Variants in SERPINB11 observed in about 807,000 individuals in gnomAD.
SERPINB11 encodes serpin family B member 11, also known as serpin B11.
Under a neutral mutation model 36.7 loss-of-function variants are expected in SERPINB11, and 32 were observed. The observed-to-expected ratio is 0.87, with a 90% CI of 0.66 to 1.17. The LOEUF is 1.17. SERPINB11 is among the 50% of genes most tolerant of loss of function. The probability of loss-of-function intolerance (pLI) is 0.00; values close to 1 mark genes in which losing one functional copy is unlikely to be tolerated. For missense variants in SERPINB11, 528 were observed against 458.4 expected (o/e 1.15, Z -1.39); for synonymous variants, 174 against 168.1 (o/e 1.04, Z -0.27).
rs570543727 is a variant in SERPINB11, at chr18:63,708,240, G to A, written c.-15-1939G>A. Among the ~76,000 whole-genome samples, 76 of 152,340 alleles carry A rather than the reference G, an allele frequency of 5.0e-4. No individual in the cohort carries two copies. In the Middle Eastern group the frequency reaches 0.014, roughly 27 times the overall value. On this transcript the variant is annotated intron_variant, in intron 1 of 7. Coordinates refer to ENST00000544088, the MANE Select transcript of SERPINB11 (RefSeq NM_001370475.1). ...GTAAGGACTTTGTCTTCTTCTCTGA[G>A]TAAAAGGGAAGACAGTGGAGTTTTT...
At chr18:63,717,165 G>T (rs150229647) in intron 5 of SERPINB11, among the ~76,000 whole-genome samples, 1 of 151,804 alleles carries the variant, frequency 6.6e-6, no homozygotes, top group Non-Finnish European at 1.5e-5. Flanking sequence ...TTTTTTTTAG[G>T]TCAATAATTT....
rs150619508 is a variant in SERPINB11 at position 63,703,292 on chromosome 18, T to C, written c.-16+286T>C. ...CGTTGATATTTTCTACTTACTAATC[T>C]TCATTCAAAACACAAGCTAGTCATG... On this transcript the variant is annotated intron_variant, in intron 1 of 7. Coordinates refer to ENST00000544088, the MANE Select transcript of SERPINB11 (RefSeq NM_001370475.1). Among the ~76,000 whole-genome samples, 962 of 152,326 alleles carry C rather than the reference T, an allele frequency of 6.3e-3. 5 individuals are homozygous for C. Among genetic ancestry groups the C allele is most frequent in the Non-Finnish European group, 9.4e-3 (642 of 68,026 alleles).
In SERPINB11 at chr18:63,723,048, CA is replaced by C; in HGVS notation, c.829del (p.Met277Ter). Reference sequence around the variant, plus strand: ...TTCATGAGTGGACAAGCTCTTCTAACATGATGGAAAGAGAAGTTGAAGTACA... The same window carrying C: ...TTCATGAGTGGACAAGCTCTTCTAACTGATGGAAAGAGAAGTTGAAGTACA... ...TFHEWTSSSN[M>X]MEREVEVHLP... On this transcript the variant is annotated frameshift_variant, in exon 8 of 8. Coordinates refer to ENST00000544088, the MANE Select transcript of SERPINB11 (RefSeq NM_001370475.1). LOFTEE classifies it low-confidence loss of function (END_TRUNC). The C allele has an allele frequency of 3.1e-6, 5 of 1,602,318 alleles. No individual in the cohort carries two copies. The highest frequency in any genetic ancestry group is 4.3e-6 in the Non-Finnish European group (5 of 1,174,474).
At chr18:63,710,385 T>A in intron 2 of SERPINB11, 24 bp downstream of exon 2, 1 of 1,590,646 alleles carries the variant, frequency 6.3e-7, no homozygotes, top group South Asian at 1.2e-5. Flanking sequence ...CAGAGGTTTG[T>A]TCAGAACCCA....
At position 63,716,162 on chromosome 18, in the gene SERPINB11, A is replaced by C. The variant is rs1332436133; in HGVS notation, c.475+10A>C. On this transcript the variant is annotated intron_variant, in intron 5 of 7. Coordinates refer to ENST00000544088, the MANE Select transcript of SERPINB11 (RefSeq NM_001370475.1). ...GAAAATAAAACTAATGGTAAGGATA[A>C]GTCAATATGTGTCTCTAAACTCTGT... The C allele has an allele frequency of 6.0e-6, 9 of 1,508,676 alleles. No individual in the cohort carries two copies. Among genetic ancestry groups the C allele is most frequent in the African/African-American group, 1.4e-5 (1 of 72,948 alleles). 93.5% of individuals were successfully genotyped at this position (1,508,676 alleles called of 1,614,324 possible).
In SERPINB11 at chr18:63,716,167, A is replaced by G. The variant is rs574217132; in HGVS notation, c.475+15A>G. ...TAAAACTAATGGTAAGGATAAGTCA[A>G]TATGTGTCTCTAAACTCTGTGTTGT... On this transcript the variant is annotated intron_variant, in intron 5 of 7. Coordinates refer to ENST00000544088, the MANE Select transcript of SERPINB11 (RefSeq NM_001370475.1). 5.4e-6 allele frequency: 8 copies of G among 1,485,712 alleles called. No individual in the cohort carries two copies. Among genetic ancestry groups the G allele is most frequent in the East Asian group, 2.3e-5 (1 of 43,602 alleles). The allele number at this position is 1,485,712 out of a possible 1,614,324, so 92.0% of individuals were successfully genotyped here.
intron 1 of SERPINB11, 56 bp downstream of exon 1, chr18:63,703,062 A>G (rs1199783814): frequency 6.6e-6 from 1 of 152,222 alleles, no homozygotes; most frequent in Admixed American, 6.5e-5. Flanking sequence ...GTCAAAGGGG[A>G]CAATAAATAA....
chr18:63,704,713 C>A (rs535112838), intron 1 of SERPINB11, among the ~76,000 whole-genome samples: 1 of 152,280 alleles, frequency 6.6e-6, no homozygotes, highest in East Asian at 1.9e-4. Context: ...GCTGTAAGAT[C>A]CAACTGTGAA....
At chr18:63,712,267 C>T (rs753029982) in intron 3 of SERPINB11, among the ~76,000 whole-genome samples, 1 of 152,144 alleles carries the variant, frequency 6.6e-6, no homozygotes, top group Non-Finnish European at 1.5e-5. Context: ...GCCCTGAATA[C>T]CCCACTAGGA....
chr18:63,715,960 A>T (rs1249609826), intron 4 of SERPINB11, 75 bp from the exon 5 acceptor site: 6 of 847,982 alleles, frequency 7.1e-6, no homozygotes, highest in African/African-American at 3.5e-5. Flanking sequence ...AGAATTTTAG[A>T]ATACATTGAG....
At chr18:63,708,660 G>A (rs1282662473) in intron 1 of SERPINB11, among the ~76,000 whole-genome samples, 1 of 152,134 alleles carries the variant, frequency 6.6e-6, no homozygotes, top group South Asian at 2.1e-4. Context: ...TTAAGTTTGA[G>A]ATATATATTA....
At position 63,710,377 on chromosome 18, in the gene SERPINB11, G is replaced by GGTATGGAATTCTC; in HGVS notation, c.168+16_168+17insGTATGGAATTCTC. On this transcript the variant is annotated intron_variant, in intron 2 of 7. Coordinates refer to ENST00000544088, the MANE Select transcript of SERPINB11 (RefSeq NM_001370475.1). The stretch of plus-strand genomic sequence containing the variant: ...ATTGGAGAAGGTATGGAATTCCTCA[G>GGTATGGAATTCTC]AGGTTTGTTCAGAACCCAGAAGTCT... 2 of 1,604,446 alleles carry GGTATGGAATTCTC rather than the reference G, an allele frequency of 1.2e-6. No individual in the cohort carries two copies. The highest frequency in any genetic ancestry group is 1.7e-6 in the Non-Finnish European group (2 of 1,175,632).
At position 63,708,487 on chromosome 18, in the gene SERPINB11, G is replaced by GAGAATA. The variant is rs199750703; in HGVS notation, c.-15-1681_-15-1676dup. 9.6e-3 allele frequency among the ~76,000 whole-genome samples: 1,465 copies of GAGAATA among 152,248 alleles called. 31 individuals carry two copies. The highest frequency in any genetic ancestry group is 0.034 in the African/African-American group (1,396 of 41,520). On this transcript the variant is annotated intron_variant, in intron 1 of 7. Coordinates refer to ENST00000544088, the MANE Select transcript of SERPINB11 (RefSeq NM_001370475.1). ...ATTTTTTCATTGATTGACTAAGAGTGAGAATAAGAATAAGAACGAGAAAGT... is the reference window on the plus strand; with the variant it reads ...ATTTTTTCATTGATTGACTAAGAGTGAGAATAAGAATAAGAATAAGAACGAGAAAGT...
At chr18:63,705,586 A>G (rs1056865178) in intron 1 of SERPINB11, 5 of 152,242 alleles carry the variant, frequency 3.3e-5, no homozygotes, top group Non-Finnish European at 7.3e-5. Context: ...GATGACCTCA[A>G]CCTTGTGTAC....
upstream of SERPINB11, among the ~76,000 whole-genome samples, chr18:63,702,604 C>G (rs910861247): frequency 6.6e-6 from 1 of 152,088 alleles, no homozygotes; most frequent in Non-Finnish European, 1.5e-5. Flanking sequence ...AGAAAAAGAA[C>G]TGAGCACTTC....
intron 2 of SERPINB11, 81 bp from the exon 3 acceptor site, chr18:63,711,254 A>G: frequency 1.0e-6 from 1 of 964,320 alleles, no homozygotes; most frequent in South Asian, 1.4e-5. Flanking sequence ...TAAAATAGAA[A>G]AATAGATACT....
At position 63,712,643 on chromosome 18, in the gene SERPINB11, C is replaced by T. The variant is rs61741551; in HGVS notation, c.307C>T (p.Leu103Phe). Residue 103 changes from leucine to phenylalanine, a missense_variant, in exon 4 of 8, where the codon CTC becomes TTC. By Grantham distance (22) the Leu-to-Phe change is conservative (BLOSUM62 0). Coordinates refer to ENST00000544088, the MANE Select transcript of SERPINB11 (RefSeq NM_001370475.1). ...QINQPDSNCT[L>F]SIANRLYGTK... ...CAACCAGCCAGACTCTAACTGTACCCTCAGCATTGCCAACAGGCTCTACGG... is the reference window on the plus strand; with the variant it reads ...CAACCAGCCAGACTCTAACTGTACCTTCAGCATTGCCAACAGGCTCTACGG... 7,146 of 1,613,788 alleles carry T rather than the reference C, an allele frequency of 4.4e-3. 265 individuals are homozygous for T. The African/African-American group carries it at 0.084, about 19-fold the overall frequency.
chr18:63,721,647 G>A (rs147056352), intron 7 of SERPINB11, among the ~76,000 whole-genome samples: 3,295 of 152,248 alleles, frequency 0.022, 52 homozygotes, highest in Non-Finnish European at 0.031. Context: ...AAACACTGTG[G>A]CACAGGTGAG....
intron 2 of SERPINB11, 150 bp from the exon 3 acceptor site, chr18:63,711,185 A>G: frequency 1.5e-6 from 1 of 648,886 alleles, no homozygotes; most frequent in East Asian, 2.7e-5. Context: ...ATATGTAAAG[A>G]CTTAGTTCAG....
Sources: gnomAD v4.1 joint callset for allele counts (sites outside exome capture counted in the v4.1 genomes callset) on GRCh38, gnomAD v4.1.1 for gene constraint, MANE v1.5 for transcripts, NCBI Gene and HGNC (gene_info 2026-07-23, HGNC 2026-07-21) for gene names.